ELP4: variants seen among roughly 807,000 people sequenced by gnomAD.
ELP4 encodes elongator acetyltransferase complex subunit 4.
Under a neutral mutation model 48.9 loss-of-function variants are expected in ELP4, and 51 were observed. The observed-to-expected ratio is 1.04, with a 90% CI of 0.83 to 1.32. The LOEUF is 1.32. Ranked by LOEUF, ELP4 falls within the 40% of genes most tolerant of loss-of-function variation. ELP4 has a pLI of 0.00. For missense variants in ELP4, 519 were observed against 514.6 expected, an observed-to-expected ratio of 1.01 and a Z score of -0.08; for synonymous variants, 210 against 189.2, an observed-to-expected ratio of 1.11 and a Z score of -0.90.
chr11:31,663,164 CATT>C (rs1456174309), intron 9 of ELP4: 2 of 151,840 alleles, frequency 1.3e-5, no homozygotes, highest in Non-Finnish European at 2.9e-5. Flanking sequence ...TTTTATAAAA[CATT>C]ATAAATTTAA....
chr11:31,746,917 A>T (rs1379931828), intron 9 of ELP4, among the ~76,000 whole-genome samples: 1 of 134,776 alleles, frequency 7.4e-6, no homozygotes, highest in African/African-American at 3.1e-5. Context: ...AAAAAGTGAA[A>T]AAAATAAAAA....
At chr11:31,510,773 T>C (rs1955981424) in intron 1 of ELP4, 1 of 168,958 alleles carries the variant, frequency 5.9e-6, no homozygotes, top group African/African-American at 2.4e-5. Context: ...AGAAGCCTGC[T>C]GAAGAATATG....
At chr11:31,567,019 G>A (rs906239275) in intron 3 of ELP4, among the ~76,000 whole-genome samples, 8 of 146,754 alleles carry the variant, frequency 5.5e-5, no homozygotes, top group African/African-American at 2.1e-4. Flanking sequence ...CACTGGCAAT[G>A]TAGTACTTCT....
At chr11:31,693,227 T>G (rs1182250500) in intron 9 of ELP4, among the ~76,000 whole-genome samples, 1 of 152,128 alleles carries the variant, frequency 6.6e-6, no homozygotes, top group Non-Finnish European at 1.5e-5. Context: ...GTTACATAGG[T>G]ATACATGTGC....
chr11:31,639,321 C>T (rs1945041174), intron 7 of ELP4, among the ~76,000 whole-genome samples: 1 of 151,822 alleles, frequency 6.6e-6, no homozygotes, highest in East Asian at 1.9e-4. Context: ...TTCAGTTTTA[C>T]ATCATATTTA....
intron 9 of ELP4, chr11:31,689,068 A>G (rs1946220589): frequency 6.6e-6 from 1 of 152,214 alleles, no homozygotes; most frequent in Non-Finnish European, 1.5e-5. Context: ...GCTTTCAGGC[A>G]TAGACTATTT....
At chr11:31,620,518 A>G (rs988914672) in intron 5 of ELP4, among the ~76,000 whole-genome samples, 1 of 151,984 alleles carries the variant, frequency 6.6e-6, no homozygotes, top group African/African-American at 2.4e-5. Context: ...GGTCTAAAAA[A>G]CAACCATGGG....
At chr11:31,542,477 C>G (rs1410476320) in intron 3 of ELP4, among the ~76,000 whole-genome samples, 1 of 152,174 alleles carries the variant, frequency 6.6e-6, no homozygotes, top group Non-Finnish European at 1.5e-5. Context: ...AAGTAACAAT[C>G]CCCAGGGCCA....
At chr11:31,546,265 G>A (rs566406864) in intron 3 of ELP4, among the ~76,000 whole-genome samples, 1 of 151,934 alleles carries the variant, frequency 6.6e-6, no homozygotes, top group South Asian at 2.1e-4. Context: ...ACACACATAG[G>A]CTCAAAATAA....
At chr11:31,669,515 C>T (rs1298346794) in intron 9 of ELP4, among the ~76,000 whole-genome samples, 1 of 152,160 alleles carries the variant, frequency 6.6e-6, no homozygotes, top group African/African-American at 2.4e-5. Flanking sequence ...GGTTAGATAG[C>T]CTACCTCTGT....
At chr11:31,601,522 T>G (rs1957782648) in intron 4 of ELP4, among the ~76,000 whole-genome samples, 1 of 152,158 alleles carries the variant, frequency 6.6e-6, no homozygotes, top group East Asian at 1.9e-4. Flanking sequence ...TGTCTCAGCA[T>G]GAAATCAATT....
At chr11:31,744,245 A>G (rs538200455) in intron 9 of ELP4, among the ~76,000 whole-genome samples, 1 of 152,338 alleles carries the variant, frequency 6.6e-6, no homozygotes, top group Admixed American at 6.5e-5. Flanking sequence ...TTGAGGCAAT[A>G]ATCAATAGCT....
intron 7 of ELP4, among the ~76,000 whole-genome samples, chr11:31,636,954 G>A (rs1286648681): frequency 6.6e-6 from 1 of 151,830 alleles, no homozygotes; most frequent in Admixed American, 6.6e-5. Flanking sequence ...TACTCATATT[G>A]TCTCTTGATA....
At chr11:31,697,925 T>C (rs941986249) in intron 9 of ELP4, among the ~76,000 whole-genome samples, 1 of 151,716 alleles carries the variant, frequency 6.6e-6, no homozygotes, top group Non-Finnish European at 1.5e-5. Context: ...CATTGAACTT[T>C]AGTAGTGCTT....
chr11:31,759,692 TTTTTC>T (rs1260742901), intron 9 of ELP4, among the ~76,000 whole-genome samples: 25 of 150,620 alleles, frequency 1.7e-4, no homozygotes, highest in Admixed American at 1.1e-3. Context: ...TTTTCTTTTC[TTTTTC>T]TTTTTTCTTT....
chr11:31,544,495 G>T (rs541422203), intron 3 of ELP4, among the ~76,000 whole-genome samples: 6 of 152,304 alleles, frequency 3.9e-5, no homozygotes, highest in South Asian at 2.1e-4. Context: ...CAAAGCAGCC[G>T]GAAAGCTCCA....
intron 5 of ELP4, among the ~76,000 whole-genome samples, chr11:31,618,707 T>C (rs1944549204): frequency 2.0e-5 from 3 of 152,226 alleles, no homozygotes; most frequent in Admixed American, 2.0e-4. Flanking sequence ...AGAAAGTACA[T>C]TAATGGTTCC....
At chr11:31,637,032 T>C (rs557208873) in intron 7 of ELP4, among the ~76,000 whole-genome samples, 1 of 152,048 alleles carries the variant, frequency 6.6e-6, no homozygotes, top group African/African-American at 2.4e-5. Flanking sequence ...CTAAGTTAAG[T>C]ACAGACTTTG....
intron 2 of ELP4, among the ~76,000 whole-genome samples, chr11:31,535,626 G>A (rs1264385944): frequency 6.6e-6 from 1 of 152,166 alleles, no homozygotes; most frequent in Non-Finnish European, 1.5e-5. Context: ...GATTACAGAA[G>A]CGAGTGACTG....
Sources: allele counts gnomAD v4.1 joint callset (sites outside exome capture counted in the v4.1 genomes callset), GRCh38; gene constraint gnomAD v4.1.1; transcripts MANE v1.5; gene names NCBI Gene and HGNC (gene_info 2026-07-23, HGNC 2026-07-21).